CFAP299: variants seen among roughly 807,000 people sequenced by gnomAD.
CFAP299 encodes the protein cilia- and flagella-associated protein 299.
Under a neutral mutation model 27.0 loss-of-function variants are expected in CFAP299, and 21 were observed. The ratio of observed to expected loss-of-function variants is 0.78; its 90% confidence interval spans 0.55 to 1.12. CFAP299 has a LOEUF of 1.12. CFAP299 is among the 50% of genes most tolerant of loss of function. CFAP299 has a pLI of 0.00. For missense variants in CFAP299, 310 were observed against 276.6 expected (o/e 1.12, Z -0.86); for synonymous variants, 104 against 98.1 (o/e 1.06, Z -0.36).
intron 2 of CFAP299, among the ~76,000 whole-genome samples, chr4:80,571,160 A>G (rs952158455): frequency 2.6e-5 from 4 of 152,110 alleles, no homozygotes; most frequent in Non-Finnish European, 5.9e-5. Flanking sequence ...GGGAAAATGG[A>G]GTTGTGAGCA....
At chr4:80,855,460 G>A (rs967540293) in intron 3 of CFAP299, among the ~76,000 whole-genome samples, 1 of 151,770 alleles carries the variant, frequency 6.6e-6, no homozygotes, top group African/African-American at 2.4e-5. Context: ...CAATGTGCAG[G>A]TTAGTTACAT....
intron 3 of CFAP299, among the ~76,000 whole-genome samples, chr4:80,624,462 T>A (rs936057653): frequency 6.6e-6 from 1 of 151,386 alleles, no homozygotes; most frequent in Non-Finnish European, 1.5e-5. Context: ...AAAAGAAATA[T>A]AAATAAATAA....
chr4:80,379,902 A>T (rs1396694942), intron 2 of CFAP299, among the ~76,000 whole-genome samples: 1 of 152,082 alleles, frequency 6.6e-6, no homozygotes, highest in Non-Finnish European at 1.5e-5. Flanking sequence ...CTATTCTAAA[A>T]ATAGCAATTA....
chr4:80,684,449 TAG>T (rs564128419), intron 3 of CFAP299, among the ~76,000 whole-genome samples: 222 of 152,200 alleles, frequency 1.5e-3, no homozygotes, highest in African/African-American at 4.9e-3. Context: ...ATTTTTTTAG[TAG>T]AGACGGGGTT....
chr4:80,335,861 G>T lies in CFAP299; in HGVS notation c.93G>T (p.Val31=). 1 of 1,608,874 alleles carries T rather than the reference G, an allele frequency of 6.2e-7. No homozygotes were observed. The change falls in exon 1 of 6, where the codon GTG becomes GTT. Residue 31 remains valine (V), a synonymous_variant. Coordinates refer to ENST00000358105, the MANE Select transcript of CFAP299 (RefSeq NM_152770.3). ...EDFLDSQITT[V]DLYYLEDETL... is the part of the protein sequence containing the mutation. ...TCCTGGACTCGCAGATCACTACTGT[G>T]GACTTGTACTACCTGGAGGTAAGGG...
Position 80,535,443 on chromosome 4 carries a change from C to G in CFAP299, c.243-47650C>G, listed in dbSNP as rs377323007. ...CCGGGAGGCGGAGCTTGCAGTGAGCCGAGATCCCGCCACTGCACTCCAGCC... is the reference window on the plus strand; with the variant it reads ...CCGGGAGGCGGAGCTTGCAGTGAGCGGAGATCCCGCCACTGCACTCCAGCC... On this transcript the variant is annotated intron_variant, in intron 2 of 5. Transcript: ENST00000358105. Among the ~76,000 whole-genome samples the G allele has an allele frequency of 3.8e-3, 255 of 67,682 alleles. 3 individuals are homozygous for G. In the East Asian group the frequency reaches 0.09, roughly 24 times the overall value. 44.4% of individuals were successfully genotyped at this position (67,682 alleles called of 152,430 possible).
intron 3 of CFAP299, among the ~76,000 whole-genome samples, chr4:80,647,449 G>A (rs1740080679): frequency 1.3e-5 from 2 of 152,052 alleles, no homozygotes; most frequent in African/African-American, 4.8e-5. Context: ...TTTTATTTAA[G>A]ATGTGGAGTC....
chr4:80,876,983 C>T (rs540516481), intron 4 of CFAP299, among the ~76,000 whole-genome samples: 178 of 152,258 alleles, frequency 1.2e-3, no homozygotes, highest in African/African-American at 4.2e-3. Context: ...CCCCTTTGTA[C>T]TTAACCAGGC....
At position 80,396,386 on chromosome 4, in the gene CFAP299, T is replaced by C. The variant is rs753768773; in HGVS notation, c.242+33502T>C. Among the ~76,000 whole-genome samples the C allele has an allele frequency of 1.5e-3, 226 of 152,128 alleles. 2 individuals carry two copies. The highest frequency in any genetic ancestry group is 2.6e-3 in the Non-Finnish European group (175 of 68,010). On this transcript the variant is annotated intron_variant, in intron 2 of 5. Coordinates refer to ENST00000358105, the MANE Select transcript of CFAP299 (RefSeq NM_152770.3). ...AACACCCATGTTTGCCTCAATCATGTTTTTGTAAACAATCACTGAGATAAT... is the reference window on the plus strand; with the variant it reads ...AACACCCATGTTTGCCTCAATCATGCTTTTGTAAACAATCACTGAGATAAT...
intron 3 of CFAP299, among the ~76,000 whole-genome samples, chr4:80,748,860 C>A (rs2110069374): frequency 6.6e-6 from 1 of 152,260 alleles, no homozygotes; most frequent in African/African-American, 2.4e-5. Context: ...TTGTTTGCCA[C>A]ACTGTGACAA....
At chr4:80,454,495 A>G (rs1318716000) in intron 2 of CFAP299, among the ~76,000 whole-genome samples, 6 of 152,184 alleles carry the variant, frequency 3.9e-5, no homozygotes, top group Admixed American at 3.9e-4. Flanking sequence ...GGGCATGAGA[A>G]CCAGCTCACC....
At chr4:80,844,024 A>G (rs1731020641) in intron 3 of CFAP299, among the ~76,000 whole-genome samples, 1 of 151,998 alleles carries the variant, frequency 6.6e-6, no homozygotes, top group Non-Finnish European at 1.5e-5. Context: ...TGTCCTTGCC[A>G]TAGTTTGCTG....
intron 3 of CFAP299, among the ~76,000 whole-genome samples, chr4:80,775,417 T>G (rs373867269): frequency 1.2e-4 from 19 of 152,202 alleles, no homozygotes; most frequent in Middle Eastern, 6.8e-3. Flanking sequence ...TTTAATTTAT[T>G]TATTTATACA....
chr4:80,373,009 C>A (rs1377761468), intron 2 of CFAP299, among the ~76,000 whole-genome samples: 1 of 152,182 alleles, frequency 6.6e-6, no homozygotes, highest in Non-Finnish European at 1.5e-5. Context: ...CTTGGAGGAG[C>A]TTGTGGTAGT....
At chr4:80,891,830 GA>G (rs35425830) in intron 4 of CFAP299, among the ~76,000 whole-genome samples, 4,145 of 53,942 alleles carry the variant, frequency 0.077, 135 homozygotes, top group East Asian at 0.22. Context: ...TAGATTAAAG[GA>G]AAAAAAAAAA....
At chr4:80,584,536 G>C (rs933278284) in intron 3 of CFAP299, among the ~76,000 whole-genome samples, 1 of 151,994 alleles carries the variant, frequency 6.6e-6, no homozygotes, top group Non-Finnish European at 1.5e-5. Flanking sequence ...TTACAGAGCA[G>C]ATCAACCTGT....
At chr4:80,634,271 C>T (rs1003399440) in intron 3 of CFAP299, among the ~76,000 whole-genome samples, 4 of 152,012 alleles carry the variant, frequency 2.6e-5, no homozygotes, top group Non-Finnish European at 5.9e-5. Context: ...TGTGAGCCAC[C>T]GCACATGGCC....
At position 80,771,022 on chromosome 4, in the gene CFAP299, T is replaced by C. The variant is rs550527857; in HGVS notation, c.334-98971T>C. ...AAGTTAACTGATCAATAACCAATTA[T>C]GGGAATCATATCCCATCGTATTCTC... On this transcript the variant is annotated intron_variant, in intron 3 of 5. Transcript: ENST00000358105. Among the ~76,000 whole-genome samples the C allele has an allele frequency of 3.9e-4, 60 of 152,290 alleles. No homozygotes were observed. In the Middle Eastern group the frequency reaches 0.01, roughly 26 times the overall value.
chr4:80,824,810 A>T (rs551454416), intron 3 of CFAP299, among the ~76,000 whole-genome samples: 1 of 152,138 alleles, frequency 6.6e-6, no homozygotes. Context: ...AGAAAGTTTT[A>T]TCTCTAGTTT....
Sources: gnomAD v4.1 joint callset for allele counts (sites outside exome capture counted in the v4.1 genomes callset) on GRCh38, gnomAD v4.1.1 for gene constraint, MANE v1.5 for transcripts, NCBI Gene and HGNC (gene_info 2026-07-23, HGNC 2026-07-21) for gene names.